SSR1: variants seen among roughly 807,000 people sequenced by gnomAD.
The protein encoded by SSR1 is translocon-associated protein subunit alpha.
Under a neutral mutation model 36.1 loss-of-function variants are expected in SSR1, and 13 were observed. That is an observed-to-expected ratio of 0.36 (90% CI 0.23 to 0.57). SSR1 has a LOEUF of 0.57. SSR1 is among the 20% of genes least tolerant of loss of function. The pLI is 0.81. For synonymous variants in SSR1, 113 were observed against 118.9 expected (o/e 0.95, Z 0.32); for missense variants, 291 against 338.5 (o/e 0.86, Z 1.10).
intron 2 of SSR1, among the ~76,000 whole-genome samples, chr6:7,306,798 C>A (rs1036300732): frequency 1.3e-5 from 2 of 151,846 alleles, no homozygotes; most frequent in South Asian, 2.1e-4. Context: ...CGCCTATAAT[C>A]CCAGCTACTC....
intron 2 of SSR1, among the ~76,000 whole-genome samples, chr6:7,306,788 C>A (rs533831754): frequency 6.6e-6 from 1 of 151,594 alleles, no homozygotes; most frequent in Non-Finnish European, 1.5e-5. Flanking sequence ...TGGTGGCGGG[C>A]GCCTATAATC....
At chr6:7,301,208 C>A in intron 4 of SSR1, 102 bp downstream of exon 4, 1 of 1,425,348 alleles carries the variant, frequency 7.0e-7, no homozygotes, top group Non-Finnish European at 9.4e-7. Context: ...ACAGGTTCAA[C>A]CACAAAACAG....
At chr6:7,312,961 G>A (rs1581640892) in intron 1 of SSR1, 81 bp downstream of exon 1, 4 of 1,402,808 alleles carry the variant, frequency 2.9e-6, no homozygotes, top group Non-Finnish European at 3.9e-6. Flanking sequence ...GACCCGGAGC[G>A]GCCACCGCCT....
At chr6:7,303,075 G>C (rs1439900900) in intron 3 of SSR1, among the ~76,000 whole-genome samples, 3 of 140,198 alleles carry the variant, frequency 2.1e-5, no homozygotes, top group African/African-American at 8.0e-5. Context: ...GGCCTCGGAG[G>C]TTGCAGTGAG....
chr6:7,308,871 A>C (rs1311723770), intron 2 of SSR1, among the ~76,000 whole-genome samples: 1 of 152,240 alleles, frequency 6.6e-6, no homozygotes, highest in East Asian at 1.9e-4. Context: ...ACAGAGTAAA[A>C]GCAAGCAAGC....
chr6:7,311,149 A>T (rs1758187335), intron 1 of SSR1, among the ~76,000 whole-genome samples: 1 of 152,216 alleles, frequency 6.6e-6, no homozygotes, highest in Admixed American at 6.5e-5. Context: ...TTATTTTTGC[A>T]TGTGGCTTCA....
chr6:7,305,817 C>A (rs4513848), intron 2 of SSR1, among the ~76,000 whole-genome samples: 1 of 152,014 alleles, frequency 6.6e-6, no homozygotes, highest in East Asian at 1.9e-4. Flanking sequence ...ATGTTGCTGC[C>A]AAGACTGAAA....
intron 2 of SSR1, among the ~76,000 whole-genome samples, chr6:7,308,773 A>T (rs1387442504): frequency 6.6e-6 from 1 of 152,154 alleles, no homozygotes; most frequent in Non-Finnish European, 1.5e-5. Context: ...AAGAGCAGAG[A>T]AAATATCTGG....
chr6:7,282,522 T>C lies in SSR1; in HGVS notation c.*7342A>G, dbSNP rs1401432785. 6 of 152,240 alleles carry C rather than the reference T, an allele frequency of 3.9e-5. No homozygotes were observed. Among genetic ancestry groups the C allele is most frequent in the Admixed American group, 2.0e-4 (3 of 15,270 alleles). The allele number at this position is 152,240 out of a possible 1,614,324, so 9.4% of individuals were successfully genotyped here. A position where few individuals can be genotyped will look rare whatever the true frequency, so the allele number is the denominator to read the frequency against. ...CTCGCTGTAGAGAGAAGACCATAGA[T>C]GCACACAGACGGGGTTATCCCTTGA... On this transcript the variant is annotated 3_prime_UTR_variant, in exon 8 of 8. Coordinates refer to ENST00000244763, the MANE Select transcript of SSR1 (RefSeq NM_003144.5).
At chr6:7,295,555 A>G in intron 6 of SSR1, 70 bp from the exon 7 acceptor site, 1 of 1,189,948 alleles carries the variant, frequency 8.4e-7, no homozygotes, top group Non-Finnish European at 1.2e-6. Context: ...TTTAAAAAAG[A>G]GTTGAGGTCT....
chr6:7,303,696 A>T, intron 2 of SSR1, 59 bp from the exon 3 acceptor site: 1 of 1,394,678 alleles, frequency 7.2e-7, no homozygotes, highest in Non-Finnish European at 1.0e-6. Context: ...TCATTATTTA[A>T]AAATAAAGAT....
At chr6:7,310,522 A>T (rs192697440) in intron 1 of SSR1, among the ~76,000 whole-genome samples, 2 of 152,366 alleles carry the variant, frequency 1.3e-5, no homozygotes, top group East Asian at 3.9e-4. Flanking sequence ...AAGCAAATTA[A>T]GGAAAATAAT....
Position 7,298,743 on chromosome 6 carries a change from T to C in SSR1, c.620+4A>G. On this transcript the variant is annotated splice_donor_region_variant and intron_variant, in intron 5 of 7. Transcript: ENST00000244763. ...AAGATCTACATACTACAACTTTCAC[T>C]TACGTTTCTCCATCTAACCCATCCT... 6.2e-7 allele frequency: 1 copy of C among 1,610,330 alleles called. No homozygotes were observed. The highest frequency in any genetic ancestry group is 1.7e-4 in the Middle Eastern group (1 of 6,060).
chr6:7,300,175 A>G (rs1449907054), intron 4 of SSR1, among the ~76,000 whole-genome samples: 1 of 152,210 alleles, frequency 6.6e-6, no homozygotes, highest in African/African-American at 2.4e-5. Context: ...TCTACTAAGT[A>G]ATCAGAAAAA....
chr6:7,289,913 C>G lies in SSR1; in HGVS notation c.812G>C (p.Arg271Thr). Reference sequence around the variant, plus strand: ...CTTCTGTGCCCGTTTCCTGGGCAACCTTCTTGGTGAAGCTTTATCTGGAAG... The same window carrying G: ...CTTCTGTGCCCGTTTCCTGGGCAACGTTCTTGGTGAAGCTTTATCTGGAAG... ...LNQINKASPR[R>T]LPRKRAQKRS... is the part of the protein sequence containing the mutation. The change falls in exon 8 of 8, where the codon AGG (arginine) becomes ACG (threonine). Residue 271 changes from arginine to threonine, a missense_variant. By Grantham distance (71) the Arg-to-Thr change is moderately conservative. Transcript: ENST00000244763. The G allele has an allele frequency of 6.5e-7, 1 of 1,541,592 alleles. No individual in the cohort carries two copies. The highest frequency in any genetic ancestry group is 1.3e-5 in the South Asian group (1 of 76,896).
intron 7 of SSR1, among the ~76,000 whole-genome samples, chr6:7,293,277 ACT>A (rs1757722622): frequency 6.6e-6 from 1 of 150,974 alleles, no homozygotes; most frequent in South Asian, 2.1e-4. Flanking sequence ...GACTTCTGAG[ACT>A]CTGGCGCATC....
intron 6 of SSR1, among the ~76,000 whole-genome samples, chr6:7,295,915 G>A (rs761121217): frequency 1.7e-4 from 26 of 152,162 alleles, no homozygotes; most frequent in Non-Finnish European, 3.1e-4. Context: ...CCACATAAGA[G>A]TATCTATTTA....
intron 1 of SSR1, among the ~76,000 whole-genome samples, chr6:7,310,320 T>G (rs1487891647): frequency 6.6e-6 from 1 of 151,366 alleles, no homozygotes. Flanking sequence ...CTCAAACTCC[T>G]GGGCCCAAGT....
chr6:7,301,260 G>A (rs996029504), intron 4 of SSR1, 50 bp downstream of exon 4: 16 of 1,585,420 alleles, frequency 1.0e-5, no homozygotes, highest in East Asian at 2.2e-5. Context: ...CAACGTCACC[G>A]CCCCCATCCA....
Sources: allele counts gnomAD v4.1 joint callset (sites outside exome capture counted in the v4.1 genomes callset), GRCh38; gene constraint gnomAD v4.1.1; transcripts MANE v1.5; gene names NCBI Gene and HGNC (gene_info 2026-07-23, HGNC 2026-07-21).